Variants in B3GALT1 observed in about 807,000 individuals in gnomAD.
B3GALT1 encodes UDP-Gal:betaGlcNAc beta 1,3-galactosyltransferase, polypeptide 1.
B3GALT1 carries 10 observed loss-of-function variants against 23.2 expected under a neutral mutation model. The ratio of observed to expected loss-of-function variants is 0.43; its 90% CI spans 0.27 to 0.73. The LOEUF (loss-of-function observed/expected upper bound fraction) is 0.73, where lower values mean the gene tolerates loss of function less well. Among genes scored for constraint, B3GALT1 ranks in the 30% least tolerant of loss-of-function variants. B3GALT1 has a pLI of 0.21. For synonymous variants in B3GALT1, 156 were observed against 141.5 expected (o/e 1.10, Z -0.73); for missense variants, 299 against 405.4 (o/e 0.74, Z 2.25).
At chr2:167,623,759 A>G (rs1685299013) in intron 2 of B3GALT1, among the ~76,000 whole-genome samples, 1 of 152,114 alleles carries the variant, frequency 6.6e-6, no homozygotes, top group South Asian at 2.1e-4. Flanking sequence ...AATAATTAAC[A>G]AAAAAGAAAA....
At chr2:167,484,958 C>T (rs527301266) in intron 1 of B3GALT1, among the ~76,000 whole-genome samples, 3 of 152,280 alleles carry the variant, frequency 2.0e-5, no homozygotes, top group African/African-American at 7.2e-5. Flanking sequence ...CGGTATCTTA[C>T]AGCTGTAAAG....
At position 167,863,990 on chromosome 2, in the gene B3GALT1, A is replaced by G. The variant is rs79219770; in HGVS notation, c.-229-4821A>G. On this transcript the variant is annotated intron_variant, in intron 4 of 4. Transcript: ENST00000392690. Reference sequence around the variant, plus strand: ...TGATTCTGTGTGCATGCATGTATGTATGTGTGTGTGTGTGTGTGTGTGTGT... The same window carrying G: ...TGATTCTGTGTGCATGCATGTATGTGTGTGTGTGTGTGTGTGTGTGTGTGT... Among the ~76,000 whole-genome samples, 203 of 143,720 alleles carry G rather than the reference A, an allele frequency of 1.4e-3. 2 individuals carry two copies. The highest frequency in any genetic ancestry group is 0.01 in the Middle Eastern group (3 of 292). The allele number at this position is 143,720 out of a possible 152,430, so 94.3% of individuals were successfully genotyped here.
At chr2:167,564,612 G>A (rs1292215265) in intron 2 of B3GALT1, among the ~76,000 whole-genome samples, 1 of 152,100 alleles carries the variant, frequency 6.6e-6, no homozygotes, top group Non-Finnish European at 1.5e-5. Flanking sequence ...TGCAATCCCG[G>A]CACCTCGGGA....
chr2:167,325,363 G>A (rs1166664678), intron 1 of B3GALT1, among the ~76,000 whole-genome samples: 1 of 152,014 alleles, frequency 6.6e-6, no homozygotes, highest in Non-Finnish European at 1.5e-5. Context: ...AGGCCTCAGG[G>A]AGCTTTTACT....
At chr2:167,334,844 G>T (rs1203565511) in intron 1 of B3GALT1, among the ~76,000 whole-genome samples, 1 of 152,128 alleles carries the variant, frequency 6.6e-6, no homozygotes, top group African/African-American at 2.4e-5. Flanking sequence ...TTATAGACAT[G>T]AGGTTGCTTT....
chr2:167,666,676 G>A (rs1347848616), intron 3 of B3GALT1, among the ~76,000 whole-genome samples: 2 of 152,142 alleles, frequency 1.3e-5, no homozygotes, highest in African/African-American at 4.8e-5. Context: ...AGCTCTTCTT[G>A]TGGAATTGAT....
At chr2:167,817,147 A>T (rs1689010521) in intron 3 of B3GALT1, among the ~76,000 whole-genome samples, 1 of 152,240 alleles carries the variant, frequency 6.6e-6, no homozygotes. Flanking sequence ...TAGGCTGAGT[A>T]GATCTAAGTT....
At chr2:167,803,469 C>T (rs1240488244) in intron 3 of B3GALT1, among the ~76,000 whole-genome samples, 1 of 152,090 alleles carries the variant, frequency 6.6e-6, no homozygotes, top group Non-Finnish European at 1.5e-5. Context: ...TTTCTGTCGT[C>T]CCTGAGATTT....
chr2:167,765,675 ACAAAAGGATAC>A (rs1687966211), intron 3 of B3GALT1, among the ~76,000 whole-genome samples: 2 of 152,216 alleles, frequency 1.3e-5, no homozygotes, highest in Non-Finnish European at 2.9e-5. Context: ...AATTTTCATG[ACAAAAGGATAC>A]CAAATTTGAC....
At chr2:167,702,625 G>T (rs1383860225) in intron 3 of B3GALT1, among the ~76,000 whole-genome samples, 2 of 152,162 alleles carry the variant, frequency 1.3e-5, no homozygotes, top group Non-Finnish European at 2.9e-5. Flanking sequence ...ATTCAATATA[G>T]CTAGAACCCT....
chr2:167,747,043 C>T (rs1687663975), intron 3 of B3GALT1, among the ~76,000 whole-genome samples: 1 of 152,096 alleles, frequency 6.6e-6, no homozygotes, highest in Non-Finnish European at 1.5e-5. Flanking sequence ...TACCTCCAAC[C>T]CACTAAATTC....
intron 1 of B3GALT1, among the ~76,000 whole-genome samples, chr2:167,413,725 C>A (rs891466147): frequency 1.3e-5 from 2 of 151,734 alleles, no homozygotes; most frequent in Non-Finnish European, 2.9e-5. Flanking sequence ...ATATTAATAT[C>A]ATAGTTTCCA....
chr2:167,562,364 A>C (rs1186932021), intron 2 of B3GALT1, among the ~76,000 whole-genome samples: 1 of 152,204 alleles, frequency 6.6e-6, no homozygotes, highest in Non-Finnish European at 1.5e-5. Context: ...TGAATTGGCA[A>C]AAACTGGAAG....
Position 167,727,724 on chromosome 2 carries a change from A to G in B3GALT1, c.-352+80758A>G, listed in dbSNP as rs1161086985. 2.6e-5 allele frequency among the ~76,000 whole-genome samples: 4 copies of G among 152,212 alleles called. No homozygotes were observed. The South Asian group carries it at 6.2e-4, about 24-fold the overall frequency. On this transcript the variant is annotated intron_variant, in intron 3 of 4. Coordinates refer to ENST00000392690, the MANE Select transcript of B3GALT1 (RefSeq NM_020981.4). ...AGAATTCCTCTCCTTGTTTTTCCTC[A>G]TAACAGGCTCTTTATCAAGACATCT...
At chr2:167,845,072 A>T (rs1415590735) in intron 4 of B3GALT1, among the ~76,000 whole-genome samples, 1 of 152,046 alleles carries the variant, frequency 6.6e-6, no homozygotes. Context: ...CCCATCCCCC[A>T]CAGCAGCTGC....
intron 3 of B3GALT1, among the ~76,000 whole-genome samples, chr2:167,726,877 A>G (rs1687325289): frequency 6.6e-6 from 1 of 152,214 alleles, no homozygotes; most frequent in South Asian, 2.1e-4. Flanking sequence ...CTGGCCTTTA[A>G]TATCTCTTTG....
At chr2:167,629,943 T>G (rs1356981409) in intron 2 of B3GALT1, among the ~76,000 whole-genome samples, 1 of 151,830 alleles carries the variant, frequency 6.6e-6, no homozygotes, top group African/African-American at 2.4e-5. Context: ...TTGGTCTCTC[T>G]GGGCATTTTT....
intron 1 of B3GALT1, among the ~76,000 whole-genome samples, chr2:167,411,937 C>T (rs1021630093): frequency 3.9e-5 from 6 of 151,932 alleles, no homozygotes; most frequent in African/African-American, 1.5e-4. Context: ...TTATATTAAA[C>T]GAAATAAATT....
chr2:167,511,245 A>G (rs1451448312), intron 2 of B3GALT1, among the ~76,000 whole-genome samples: 1 of 152,190 alleles, frequency 6.6e-6, no homozygotes, highest in Non-Finnish European at 1.5e-5. Context: ...CCCCACCCAA[A>G]TCTCATCTTG....
Sources: allele counts gnomAD v4.1 joint callset (sites outside exome capture counted in the v4.1 genomes callset), GRCh38; gene constraint gnomAD v4.1.1; transcripts MANE v1.5; gene names NCBI Gene and HGNC (gene_info 2026-07-23, HGNC 2026-07-21).